EGLN1: variants seen among roughly 807,000 people sequenced by gnomAD.
EGLN1 encodes egl-9 family hypoxia inducible factor 1, also known as egl nine homolog 1.
A neutral mutation model predicts 38.3 loss-of-function variants in EGLN1; 17 were observed. The ratio of observed to expected loss-of-function variants is 0.44; its 90% confidence interval spans 0.30 to 0.67. The LOEUF (loss-of-function observed/expected upper bound fraction) is 0.67, where lower values mean the gene tolerates loss of function less well. Among genes scored for constraint, EGLN1 ranks in the 30% least tolerant of loss-of-function variants. The pLI is 0.08. For synonymous variants in EGLN1, 283 were observed against 257.5 expected (o/e 1.10, Z -0.95); for missense variants, 477 against 603.3 (o/e 0.79, Z 2.19).
intron 1 of EGLN1, among the ~76,000 whole-genome samples, chr1:231,377,907 TAAAGA>T (rs1687998144): frequency 6.6e-6 from 1 of 151,964 alleles, no homozygotes; most frequent in African/African-American, 2.4e-5. Flanking sequence ...AAAGGCAGAG[TAAAGA>T]AAAGTTTTAA....
intron 1 of EGLN1, among the ~76,000 whole-genome samples, chr1:231,398,493 T>C (rs1016522202): frequency 3.3e-5 from 5 of 152,340 alleles, no homozygotes; most frequent in East Asian, 3.9e-4. Context: ...TAAAGTTTTA[T>C]TGGAACACAG....
In EGLN1 at chr1:231,421,406, G is replaced by A. The variant is rs763502578; in HGVS notation, c.483C>T (p.Asn161=). The A allele has an allele frequency of 5.0e-6, 8 of 1,596,814 alleles. No individual in the cohort carries two copies. The highest frequency in any genetic ancestry group is 2.7e-5 in the African/African-American group (2 of 74,352). The part of the protein sequence containing the change: ...ARSSLFQEKA[N]LYPPSNTPGD... ...CGGGCGTGTTGCTTGGGGGGTACAG[G>A]TTCGCCTTCTCCTGGAACAGCGATG... The change falls in exon 1 of 5, where the codon AAC becomes AAT. Residue 161 remains asparagine (N), a synonymous_variant. Transcript: ENST00000366641. This position sits in a 1 kb window ranked among gnomAD's most constrained non-coding sequence, Gnocchi z 5.5.
chr1:231,401,808 T>A (rs1026831603), intron 1 of EGLN1, among the ~76,000 whole-genome samples: 1 of 152,172 alleles, frequency 6.6e-6, no homozygotes, highest in Non-Finnish European at 1.5e-5. Context: ...TGTTTTCACT[T>A]CTCTTGATAG....
intron 2 of EGLN1, among the ~76,000 whole-genome samples, chr1:231,371,545 G>A (rs1687822498): frequency 6.6e-6 from 1 of 152,140 alleles, no homozygotes; most frequent in Non-Finnish European, 1.5e-5. Flanking sequence ...ATTAGAACCT[G>A]TGGCTCTCCC....
intron 1 of EGLN1, among the ~76,000 whole-genome samples, chr1:231,411,901 A>C (rs1688958335): frequency 6.6e-6 from 1 of 151,474 alleles, no homozygotes; most frequent in Non-Finnish European, 1.5e-5. Context: ...CAGGAGGCTG[A>C]GGGAGGAGAA....
chr1:231,408,037 A>T (rs1688839390), intron 1 of EGLN1, among the ~76,000 whole-genome samples: 1 of 152,174 alleles, frequency 6.6e-6, no homozygotes, highest in Non-Finnish European at 1.5e-5. Context: ...ACTGTACGTA[A>T]CAAGCAATAA....
intron 1 of EGLN1, among the ~76,000 whole-genome samples, chr1:231,377,575 C>T (rs1282907211): frequency 6.6e-6 from 1 of 152,170 alleles, no homozygotes; most frequent in African/African-American, 2.4e-5. Context: ...GGTGAAAGAG[C>T]AGTTTTAATT....
chr1:231,399,104 T>C (rs888510517), intron 1 of EGLN1, among the ~76,000 whole-genome samples: 1 of 152,038 alleles, frequency 6.6e-6, no homozygotes, highest in African/African-American at 2.4e-5. Flanking sequence ...ACTAGAGAAA[T>C]AGAGTTAGGC....
At chr1:231,412,011 CAAAAAAAAAAAAAAAAAAAAAAAAA>C (rs747472895) in intron 1 of EGLN1, among the ~76,000 whole-genome samples, 6 of 33,652 alleles carry the variant, frequency 1.8e-4, no homozygotes, top group Non-Finnish European at 2.3e-4. Flanking sequence ...GACTCCATCT[CAAAAAAAAAAAAAAAAAAAAAAAAA>C]AAAAAAAAAA....
chr1:231,380,390 G>GT (rs1688055001), intron 1 of EGLN1, among the ~76,000 whole-genome samples: 1 of 151,020 alleles, frequency 6.6e-6, no homozygotes, highest in South Asian at 2.1e-4. Context: ...ACAACTCAGT[G>GT]GTCAAAAGCT....
At chr1:231,374,775 T>G (rs769161754) in intron 1 of EGLN1, among the ~76,000 whole-genome samples, 2 of 152,164 alleles carry the variant, frequency 1.3e-5, no homozygotes, top group Non-Finnish European at 2.9e-5. Flanking sequence ...ACTCATTTAG[T>G]GTCAGTGATT....
intron 1 of EGLN1, among the ~76,000 whole-genome samples, chr1:231,378,303 C>T (rs913055896): frequency 6.6e-6 from 1 of 152,176 alleles, no homozygotes; most frequent in African/African-American, 2.4e-5. Context: ...CAATCCACCA[C>T]TATATAATTC....
intron 1 of EGLN1, among the ~76,000 whole-genome samples, chr1:231,399,992 A>G (rs1281773346): frequency 2.0e-5 from 3 of 152,222 alleles, no homozygotes; most frequent in Admixed American, 2.0e-4. Context: ...AAAGACAGAT[A>G]GTATCATCTA....
intron 1 of EGLN1, among the ~76,000 whole-genome samples, chr1:231,388,756 G>C (rs1240323621): frequency 6.6e-6 from 1 of 152,058 alleles, no homozygotes; most frequent in Non-Finnish European, 1.5e-5. Context: ...CTGAGTTCAA[G>C]CGATTCTCCT....
chr1:231,385,473 G>A (rs1572028868), intron 1 of EGLN1, among the ~76,000 whole-genome samples: 1 of 152,186 alleles, frequency 6.6e-6, no homozygotes, highest in African/African-American at 2.4e-5. Context: ...AGGAAGGAGA[G>A]GGGGCATATT....
chr1:231,399,546 C>A (rs1020631191), intron 1 of EGLN1, among the ~76,000 whole-genome samples: 5 of 152,182 alleles, frequency 3.3e-5, no homozygotes, highest in Admixed American at 3.3e-4. Context: ...AGTACAGTAT[C>A]ATGTAAGCCA....
chr1:231,415,235 T>C (rs1689048344), intron 1 of EGLN1, among the ~76,000 whole-genome samples: 1 of 149,016 alleles, frequency 6.7e-6, no homozygotes, highest in Non-Finnish European at 1.5e-5. Flanking sequence ...ATTGCACCAC[T>C]GCACTCCAGC....
At chr1:231,388,335 T>C (rs1688274250) in intron 1 of EGLN1, among the ~76,000 whole-genome samples, 1 of 152,152 alleles carries the variant, frequency 6.6e-6, no homozygotes, top group Non-Finnish European at 1.5e-5. Flanking sequence ...TATTCTCACA[T>C]ATGTGGTTGA....
At chr1:231,420,947 G>C in intron 1 of EGLN1, 51 bp downstream of exon 1, 3 of 1,613,630 alleles carry the variant, frequency 1.9e-6, no homozygotes, top group Non-Finnish European at 2.5e-6. Flanking sequence ...GCAGGCAGGG[G>C]CTGCCCGCCG....
Sources: gnomAD v4.1 joint callset for allele counts (sites outside exome capture counted in the v4.1 genomes callset) on GRCh38, gnomAD v4.1.1 for gene constraint, Gnocchi (gnomAD v3.1) non-coding constraint, MANE v1.5 for transcripts, NCBI Gene and HGNC (gene_info 2026-07-23, HGNC 2026-07-21) for gene names.